The following MAP1B variants were observed in gnomAD, a reference collection of about 807,000 sequenced individuals.
The protein encoded by MAP1B is microtubule-associated protein 1B.
A neutral mutation model predicts 176.1 loss-of-function variants in MAP1B; 12 were observed. The ratio of observed to expected loss-of-function variants is 0.07; its 90% CI spans 0.04 to 0.11. The LOEUF (loss-of-function observed/expected upper bound fraction) is 0.11. MAP1B is among the 10% of genes least tolerant of loss of function. The pLI, the probability that MAP1B is intolerant of heterozygous loss-of-function variation, is 1.00. For synonymous variants in MAP1B, 1,044 were observed against 1,135.0 expected (o/e 0.92, Z 1.61); for missense variants, 2,523 against 2,990.5 (o/e 0.84, Z 3.65).
At chr5:72,129,401 G>GA (rs1386410214) in intron 2 of MAP1B, among the ~76,000 whole-genome samples, 5 of 151,742 alleles carry the variant, frequency 3.3e-5, no homozygotes, top group Non-Finnish European at 7.4e-5. Flanking sequence ...ACTAAAAATA[G>GA]AAAAAATTAG....
intron 2 of MAP1B, among the ~76,000 whole-genome samples, chr5:72,122,343 C>T (rs558892169): frequency 3.9e-5 from 6 of 152,216 alleles, no homozygotes; most frequent in South Asian, 4.1e-4. Context: ...CAGTCACCCC[C>T]ACCTGCATCC....
rs190507265 is a variant in MAP1B, at chr5:72,178,245, C to T, written c.287-5498C>T. Among the ~76,000 whole-genome samples the T allele has an allele frequency of 4.6e-4, 70 of 152,332 alleles. No individual in the cohort carries two copies. The East Asian group carries it at 0.014, about 29-fold the overall frequency. On this transcript the variant is annotated intron_variant, in intron 2 of 6. Transcript: ENST00000296755. ...CTCAAACTCCTGACCTCAAGTGATC[C>T]ACCTGCCTCGGCCTCCCAAAGTCCT...
At position 72,194,921 on chromosome 5, in the gene MAP1B, T is replaced by C. The variant is rs113650340; in HGVS notation, c.1566T>C (p.Thr522=). The change falls in exon 5 of 7, where the codon ACT becomes ACC. Residue 522 remains threonine (T), a synonymous_variant. Transcript: ENST00000296755. This position sits in a 1 kb window ranked among gnomAD's most constrained non-coding sequence, Gnocchi z 7.2. The stretch of plus-strand genomic sequence containing the variant: ...CACTGGCCACCCAAAAGGATCTCAC[T>C]GGCCAGGTGCCCACTCCTGTGGTGA... ...KQPLATQKDL[T]GQVPTPVVKQ... is the part of the protein sequence containing the mutation. 2 of 1,614,164 alleles carry C rather than the reference T, an allele frequency of 1.2e-6. No individual in the cohort carries two copies. Among genetic ancestry groups the C allele is most frequent in the Non-Finnish European group, 1.7e-6 (2 of 1,180,022 alleles).
chr5:72,205,607 C>T lies in MAP1B; in HGVS notation c.*368C>T, dbSNP rs546118431. ...AGAGAGAGTGAGAGCACAAAGATAA[C>T]GCAGGAGAGAGAGAGAGAAAGAATG... is the stretch of plus-strand genomic sequence containing the variant. On this transcript the variant is annotated 3_prime_UTR_variant, in exon 7 of 7. Coordinates refer to ENST00000296755, the MANE Select transcript of MAP1B (RefSeq NM_005909.5). The T allele has an allele frequency of 8.9e-4, 147 of 165,118 alleles. No individual in the cohort carries two copies. Among genetic ancestry groups the T allele is most frequent in the African/African-American group, 3.3e-3 (137 of 41,394 alleles). 10.2% of individuals were successfully genotyped at this position (165,118 alleles called of 1,614,324 possible).
Position 72,194,174 on chromosome 5 carries a change from C to G in MAP1B, c.819C>G (p.Ala273=). Residue 273 remains alanine, a synonymous_variant, in exon 5 of 7, where the codon GCC becomes GCG. Coordinates refer to ENST00000296755, the MANE Select transcript of MAP1B (RefSeq NM_005909.5). The surrounding 1 kb of genome is among the most constrained non-coding windows in gnomAD (Gnocchi z 7.2). The part of the protein sequence containing the change: ...YIFPGGRGDS[A]LFAVNGFNML... ...TTCCAGGAGGGAGGGGCGATTCTGC[C>G]TTGTTTGCAGTGAATGGTTTCAATA... The G allele has an allele frequency of 6.2e-7, 1 of 1,614,194 alleles. No individual in the cohort carries two copies. The highest frequency in any genetic ancestry group is 2.2e-5 in the East Asian group (1 of 44,890).
intron 2 of MAP1B, among the ~76,000 whole-genome samples, chr5:72,145,083 T>C (rs1746021093): frequency 6.6e-6 from 1 of 152,192 alleles, no homozygotes; most frequent in Admixed American, 6.5e-5. Context: ...CAAATTCCCT[T>C]CTCAGTTCAG....
At chr5:72,150,387 A>AC (rs1746119902) in intron 2 of MAP1B, among the ~76,000 whole-genome samples, 1 of 152,230 alleles carries the variant, frequency 6.6e-6, no homozygotes, top group Admixed American at 6.5e-5. Context: ...AGCCGAAATG[A>AC]CCCCAAACAT....
At position 72,180,132 on chromosome 5, in the gene MAP1B, C is replaced by T. The variant is rs188841817; in HGVS notation, c.287-3611C>T. ...AAGGGTGCAGCTAGCGGGCTCAGGGCGTTGTGTAGGATCACTTCAGAAAGA... is the reference window on the plus strand; with the variant it reads ...AAGGGTGCAGCTAGCGGGCTCAGGGTGTTGTGTAGGATCACTTCAGAAAGA... On this transcript the variant is annotated intron_variant, in intron 2 of 6. Transcript: ENST00000296755. 2.2e-4 allele frequency among the ~76,000 whole-genome samples: 33 copies of T among 152,196 alleles called. 1 individual carries two copies. The South Asian group carries it at 4.6e-3, about 21-fold the overall frequency.
chr5:72,132,916 C>A (rs1418420406), intron 2 of MAP1B, among the ~76,000 whole-genome samples: 1 of 152,042 alleles, frequency 6.6e-6, no homozygotes, highest in East Asian at 1.9e-4. Flanking sequence ...TTCAGGAATC[C>A]CTGAAACTCC....
intron 2 of MAP1B, among the ~76,000 whole-genome samples, chr5:72,125,493 A>G (rs1488521997): frequency 2.6e-5 from 4 of 152,198 alleles, no homozygotes; most frequent in African/African-American, 7.2e-5. Flanking sequence ...TCCTGCAGCA[A>G]GGCACAGTTC....
chr5:72,136,690 G>A (rs1490061912), intron 2 of MAP1B, among the ~76,000 whole-genome samples: 1 of 152,098 alleles, frequency 6.6e-6, no homozygotes, highest in African/African-American at 2.4e-5. Flanking sequence ...TTGTTGGCCA[G>A]CCACTCCCTT....
chr5:72,125,562 T>TGG (rs1421471214), intron 2 of MAP1B, among the ~76,000 whole-genome samples: 2 of 152,336 alleles, frequency 1.3e-5, no homozygotes, highest in East Asian at 3.9e-4. Context: ...TTCAGTTGTT[T>TGG]ACAATTGAGT....
chr5:72,154,013 A>T (rs1746188008), intron 2 of MAP1B, among the ~76,000 whole-genome samples: 1 of 152,212 alleles, frequency 6.6e-6, no homozygotes, highest in Non-Finnish European at 1.5e-5. Context: ...TCATTAAAAT[A>T]CCCTGCATTT....
chr5:72,187,533 G>GT (rs1366679760), intron 4 of MAP1B, among the ~76,000 whole-genome samples: 1 of 152,178 alleles, frequency 6.6e-6, no homozygotes, highest in African/African-American at 2.4e-5. Flanking sequence ...CCCATAGCAG[G>GT]TTGGGGCCTG....
intron 2 of MAP1B, among the ~76,000 whole-genome samples, chr5:72,135,627 C>G (rs560331515): frequency 6.6e-6 from 1 of 152,076 alleles, no homozygotes; most frequent in Non-Finnish European, 1.5e-5. Flanking sequence ...TTTTAGAAAC[C>G]CTTACAATAG....
intron 2 of MAP1B, among the ~76,000 whole-genome samples, chr5:72,131,281 T>G (rs1745728190): frequency 6.6e-6 from 1 of 152,164 alleles, no homozygotes; most frequent in African/African-American, 2.4e-5. Flanking sequence ...TATTTTACAT[T>G]TAAGACATTG....
intron 2 of MAP1B, among the ~76,000 whole-genome samples, chr5:72,177,830 G>A (rs1746681321): frequency 1.3e-5 from 2 of 151,956 alleles, no homozygotes; most frequent in Admixed American, 1.3e-4. Context: ...TTGCACGAGG[G>A]GTTAGAGGTT....
intron 4 of MAP1B, among the ~76,000 whole-genome samples, chr5:72,187,162 A>G (rs1746925832): frequency 6.6e-6 from 1 of 152,176 alleles, no homozygotes; most frequent in South Asian, 2.1e-4. Context: ...CTTTTACTTT[A>G]ATGCCTGGCC....
chr5:72,185,035 T>C (rs1369583984), intron 3 of MAP1B, among the ~76,000 whole-genome samples: 1 of 152,218 alleles, frequency 6.6e-6, no homozygotes. Flanking sequence ...ATTCTGGACA[T>C]TTCATATAAA....
Sources: gnomAD v4.1 joint callset for allele counts (sites outside exome capture counted in the v4.1 genomes callset) on GRCh38, gnomAD v4.1.1 for gene constraint, Gnocchi (gnomAD v3.1) non-coding constraint, MANE v1.5 for transcripts, NCBI Gene and HGNC (gene_info 2026-07-23, HGNC 2026-07-21) for gene names.